Variants in SLIT3 observed in about 807,000 individuals in gnomAD.
The protein encoded by SLIT3 is slit guidance ligand 3.
In SLIT3, 68 loss-of-function variants were observed where a neutral mutation model predicts 184.0. That is an observed-to-expected ratio of 0.37 (90% CI 0.30 to 0.45). The LOEUF is 0.45. SLIT3 is among the 20% of genes least tolerant of loss of function. The probability of loss-of-function intolerance (pLI) is 1.00; values close to 1 mark genes in which losing one functional copy is unlikely to be tolerated. For missense variants in SLIT3, 1,707 were observed against 2,026.0 expected, an observed-to-expected ratio of 0.84 and a Z score of 3.02; for synonymous variants, 831 against 828.6, an observed-to-expected ratio of 1.00 and a Z score of -0.05.
chr5:169,119,184 T>C (rs549986225), intron 4 of SLIT3, among the ~76,000 whole-genome samples: 5 of 152,324 alleles, frequency 3.3e-5, no homozygotes, highest in Non-Finnish European at 5.9e-5. Flanking sequence ...AGAGCAAAAG[T>C]CTTGGAGTTC....
chr5:169,147,275 T>A (rs189428271), intron 4 of SLIT3, among the ~76,000 whole-genome samples: 82 of 152,354 alleles, frequency 5.4e-4, no homozygotes, highest in African/African-American at 1.7e-3. Context: ...AAAATATTTT[T>A]AAAAATTTTT....
intron 1 of SLIT3, among the ~76,000 whole-genome samples, chr5:169,255,154 T>A (rs1765906460): frequency 6.6e-6 from 1 of 152,254 alleles, no homozygotes; most frequent in South Asian, 2.1e-4. Flanking sequence ...TACCTAATAC[T>A]TGATAATAAT....
chr5:169,009,137 T>C (rs1756045255), intron 4 of SLIT3, among the ~76,000 whole-genome samples: 3 of 152,132 alleles, frequency 2.0e-5, no homozygotes, highest in Non-Finnish European at 4.4e-5. Flanking sequence ...GAGGAAGCAA[T>C]TATCTTAGAG....
chr5:169,236,437 C>T (rs1765202805), intron 3 of SLIT3, among the ~76,000 whole-genome samples: 1 of 151,668 alleles, frequency 6.6e-6, no homozygotes, highest in Non-Finnish European at 1.5e-5. Flanking sequence ...TTGTTGCTTC[C>T]AGGCCCTCTT....
intron 4 of SLIT3, among the ~76,000 whole-genome samples, chr5:169,041,188 C>G (rs898334224): frequency 6.6e-6 from 1 of 152,188 alleles, no homozygotes; most frequent in Non-Finnish European, 1.5e-5. Context: ...TCTTTTGAGA[C>G]GTGGCCCCAA....
At chr5:168,765,202 T>C (rs1755300835) in intron 14 of SLIT3, among the ~76,000 whole-genome samples, 1 of 152,196 alleles carries the variant, frequency 6.6e-6, no homozygotes, top group Non-Finnish European at 1.5e-5. Flanking sequence ...GCCTATTAAA[T>C]GCATTTTCAT....
At chr5:168,897,900 C>A (rs921090774) in intron 4 of SLIT3, among the ~76,000 whole-genome samples, 1 of 152,130 alleles carries the variant, frequency 6.6e-6, no homozygotes. Context: ...GAGACACCCC[C>A]CCACCTTTGC....
chr5:169,212,810 T>G (rs1018092349), intron 3 of SLIT3, among the ~76,000 whole-genome samples: 2 of 152,364 alleles, frequency 1.3e-5, no homozygotes, highest in Admixed American at 6.5e-5. Flanking sequence ...TAATCCATCT[T>G]AATTTTTGTC....
chr5:168,703,608 G>A (rs1297556242), intron 26 of SLIT3, among the ~76,000 whole-genome samples: 2 of 152,024 alleles, frequency 1.3e-5, no homozygotes, highest in Non-Finnish European at 2.9e-5. Flanking sequence ...TGGAAAAACT[G>A]TCTTCCATGA....
chr5:168,857,858 G>A (rs977523932), intron 5 of SLIT3, among the ~76,000 whole-genome samples: 4 of 152,200 alleles, frequency 2.6e-5, no homozygotes, highest in Non-Finnish European at 4.4e-5. Context: ...AGCCCTCAAC[G>A]GTGTGCCTAT....
At chr5:168,936,854 G>C (rs930915188) in intron 4 of SLIT3, among the ~76,000 whole-genome samples, 12 of 152,082 alleles carry the variant, frequency 7.9e-5, no homozygotes, top group African/African-American at 2.9e-4. Context: ...CTCATCCTAG[G>C]AACTGGGGCT....
At chr5:169,250,567 A>G (rs1366911974) in intron 2 of SLIT3, among the ~76,000 whole-genome samples, 5 of 152,328 alleles carry the variant, frequency 3.3e-5, no homozygotes, top group East Asian at 1.9e-4. Context: ...GGCTATTAGT[A>G]AAAAGAAGGT....
At chr5:168,755,320 A>G (rs1269611611) in intron 16 of SLIT3, among the ~76,000 whole-genome samples, 1 of 151,956 alleles carries the variant, frequency 6.6e-6, no homozygotes, top group Non-Finnish European at 1.5e-5. Flanking sequence ...ACTTCTTTAC[A>G]AAATTCAAGA....
At chr5:168,824,325 C>T (rs940499610) in intron 6 of SLIT3, among the ~76,000 whole-genome samples, 16 of 152,156 alleles carry the variant, frequency 1.1e-4, no homozygotes, top group South Asian at 6.2e-4. Context: ...GGAGCTCCTA[C>T]GGTGCCTGTT....
intron 16 of SLIT3, among the ~76,000 whole-genome samples, chr5:168,759,251 C>G (rs1300460106): frequency 1.3e-5 from 2 of 152,152 alleles, no homozygotes; most frequent in Non-Finnish European, 2.9e-5. Flanking sequence ...TAGGGAAATA[C>G]AAGATTAGGG....
intron 23 of SLIT3, among the ~76,000 whole-genome samples, chr5:168,713,953 CAT>C (rs1227164224): frequency 6.6e-6 from 1 of 152,198 alleles, no homozygotes; most frequent in Non-Finnish European, 1.5e-5. Flanking sequence ...CTCCTCTTCC[CAT>C]ATAATCTGCT....
At chr5:169,132,630 G>T (rs1761345157) in intron 4 of SLIT3, among the ~76,000 whole-genome samples, 1 of 152,250 alleles carries the variant, frequency 6.6e-6, no homozygotes, top group South Asian at 2.1e-4. Flanking sequence ...CATGAACTAA[G>T]CAGGAACCAG....
intron 3 of SLIT3, among the ~76,000 whole-genome samples, chr5:169,237,080 G>A (rs1581088885): frequency 6.6e-6 from 1 of 152,268 alleles, no homozygotes; most frequent in Admixed American, 6.5e-5. Context: ...ACCAACTAGA[G>A]TACAGTTCTT....
At chr5:169,032,138 G>A (rs1757049503) in intron 4 of SLIT3, among the ~76,000 whole-genome samples, 1 of 152,114 alleles carries the variant, frequency 6.6e-6, no homozygotes, top group Non-Finnish European at 1.5e-5. Context: ...GGGTTATTAG[G>A]ATGCCTAATT....
Sources: gnomAD v4.1 joint callset for allele counts (sites outside exome capture counted in the v4.1 genomes callset) on GRCh38, gnomAD v4.1.1 for gene constraint, MANE v1.5 for transcripts, NCBI Gene and HGNC (gene_info 2026-07-23, HGNC 2026-07-21) for gene names.